Variants in ERBB4 observed in about 807,000 individuals in gnomAD.
ERBB4 encodes receptor tyrosine-protein kinase erbB-4.
A neutral mutation model predicts 158.0 loss-of-function variants in ERBB4; 42 were observed. The observed-to-expected ratio is 0.27, with a 90% CI of 0.21 to 0.34. The LOEUF (loss-of-function observed/expected upper bound fraction) is 0.34, where lower values mean the gene tolerates loss of function less well. Ranked by LOEUF, ERBB4 falls within the 10% of genes least tolerant of loss-of-function variation. The probability of loss-of-function intolerance (pLI) is 1.00; values close to 1 mark genes in which losing one functional copy is unlikely to be tolerated. For missense variants in ERBB4, 1,333 were observed against 1,624.1 expected, an observed-to-expected ratio of 0.82 and a Z score of 3.08; for synonymous variants, 583 against 558.7, an observed-to-expected ratio of 1.04 and a Z score of -0.61.
intron 8 of ERBB4, among the ~76,000 whole-genome samples, 185 bp downstream of exon 8, chr2:211,713,350 A>C (rs1190050400): frequency 6.6e-6 from 1 of 152,142 alleles, no homozygotes; most frequent in Non-Finnish European, 1.5e-5. Context: ...ATAAAATTCA[A>C]ACTCAATAAT....
At chr2:211,839,288 A>T (rs2077418936) in intron 3 of ERBB4, among the ~76,000 whole-genome samples, 1 of 151,984 alleles carries the variant, frequency 6.6e-6, no homozygotes, top group South Asian at 2.1e-4. Context: ...CTTCACGCTC[A>T]TATTTCTCTT....
At chr2:211,857,182 T>TACA (rs1214235467) in intron 3 of ERBB4, among the ~76,000 whole-genome samples, 1 of 152,016 alleles carries the variant, frequency 6.6e-6, no homozygotes, top group Non-Finnish European at 1.5e-5. Flanking sequence ...TGTGTTTGTG[T>TACA]GTCTTAGGTA....
chr2:212,517,278 T>C (rs1691903919), intron 1 of ERBB4, among the ~76,000 whole-genome samples: 1 of 152,126 alleles, frequency 6.6e-6, no homozygotes, highest in Admixed American at 6.5e-5. Context: ...TATTGTCTTA[T>C]CCTGAATTAC....
intron 20 of ERBB4, among the ~76,000 whole-genome samples, chr2:211,529,811 C>T (rs2066447557): frequency 6.6e-6 from 1 of 151,982 alleles, no homozygotes; most frequent in African/African-American, 2.4e-5. Context: ...TTCACGAATA[C>T]CCTGAAAAAC....
At chr2:211,603,070 A>G (rs890704078) in intron 19 of ERBB4, among the ~76,000 whole-genome samples, 25 of 152,178 alleles carry the variant, frequency 1.6e-4, no homozygotes, top group African/African-American at 5.8e-4. Context: ...ATCTCTACTA[A>G]AAATACAAAA....
chr2:211,799,474 C>G (rs2076452291), intron 3 of ERBB4, among the ~76,000 whole-genome samples: 1 of 152,142 alleles, frequency 6.6e-6, no homozygotes, highest in African/African-American at 2.4e-5. Context: ...CTAACAATGC[C>G]AGATGGTTTA....
Position 212,134,812 on chromosome 2 carries a change from G to A in ERBB4, c.83-9909C>T, listed in dbSNP as rs1029588274. Among the ~76,000 whole-genome samples, 4 of 151,030 alleles carry A rather than the reference G, an allele frequency of 2.6e-5. No individual in the cohort carries two copies. The South Asian group carries it at 8.4e-4, about 32-fold the overall frequency. Reference sequence around the variant, plus strand: ...CATTCTCCTGCCTCAGCCTCCCCAGGAGCTGGGACTACAGGCGCCCGCCAC... The same window carrying A: ...CATTCTCCTGCCTCAGCCTCCCCAGAAGCTGGGACTACAGGCGCCCGCCAC... On this transcript the variant is annotated intron_variant, in intron 1 of 27. Coordinates refer to ENST00000342788, the MANE Select transcript of ERBB4 (RefSeq NM_005235.3).
chr2:211,829,617 T>C (rs2077176669), intron 3 of ERBB4, among the ~76,000 whole-genome samples: 1 of 152,164 alleles, frequency 6.6e-6, no homozygotes, highest in Non-Finnish European at 1.5e-5. Context: ...ATATATCTTA[T>C]TTATCACGCT....
At chr2:211,503,307 G>A (rs899370088) in intron 20 of ERBB4, among the ~76,000 whole-genome samples, 1 of 152,106 alleles carries the variant, frequency 6.6e-6, no homozygotes, top group Admixed American at 6.5e-5. Flanking sequence ...AGCTCCTGCT[G>A]TCTGCCGAGC....
chr2:211,687,247 G>A (rs1255714262), intron 12 of ERBB4, among the ~76,000 whole-genome samples: 1 of 148,702 alleles, frequency 6.7e-6, no homozygotes, highest in African/African-American at 2.5e-5. Context: ...GGAGCTTGCA[G>A]TGAGCCGAGA....
intron 25 of ERBB4, among the ~76,000 whole-genome samples, chr2:211,397,353 C>A (rs2062941903): frequency 6.6e-6 from 1 of 152,078 alleles, no homozygotes; most frequent in South Asian, 2.1e-4. Flanking sequence ...CAAAGTCAAC[C>A]CAGATTAGCC....
intron 3 of ERBB4, among the ~76,000 whole-genome samples, chr2:211,914,277 A>T (rs1036236049): frequency 7.5e-6 from 1 of 133,894 alleles, no homozygotes; most frequent in African/African-American, 3.0e-5. Context: ...TCAAACAAAC[A>T]TCAGCTTCTC....
At chr2:211,663,763 T>C (rs2071517616) in intron 15 of ERBB4, among the ~76,000 whole-genome samples, 2 of 152,202 alleles carry the variant, frequency 1.3e-5, no homozygotes, top group African/African-American at 4.8e-5. Context: ...GCTGTTGACA[T>C]CAACATTATA....
At chr2:212,156,061 CA>C (rs1369425925) in intron 1 of ERBB4, among the ~76,000 whole-genome samples, 1 of 152,068 alleles carries the variant, frequency 6.6e-6, no homozygotes, top group Non-Finnish European at 1.5e-5. Context: ...GGGTCTGTGA[CA>C]CACACAAAGT....
chr2:211,558,439 C>T (rs904754406), intron 20 of ERBB4, among the ~76,000 whole-genome samples: 1 of 152,170 alleles, frequency 6.6e-6, no homozygotes, highest in African/African-American at 2.4e-5. Flanking sequence ...CCAGGATAAT[C>T]TCATCTCAAG....
At chr2:212,022,537 G>A (rs1030785681) in intron 2 of ERBB4, among the ~76,000 whole-genome samples, 3 of 152,014 alleles carry the variant, frequency 2.0e-5, no homozygotes, top group African/African-American at 7.2e-5. Flanking sequence ...TGTCAGGGGA[G>A]TGTAGAGTGG....
chr2:212,441,760 G>A (rs1009123006), intron 1 of ERBB4, among the ~76,000 whole-genome samples: 5 of 152,158 alleles, frequency 3.3e-5, no homozygotes, highest in African/African-American at 1.2e-4. Context: ...GTGGCCCACT[G>A]TGAGTGAGCT....
chr2:211,596,915 C>T (rs73988612), intron 19 of ERBB4, among the ~76,000 whole-genome samples: 2,315 of 152,196 alleles, frequency 0.015, 67 homozygotes, highest in African/African-American at 0.051. Flanking sequence ...CACGTGCCTG[C>T]CACCATGCCC....
intron 20 of ERBB4, among the ~76,000 whole-genome samples, chr2:211,477,191 C>A (rs2064975538): frequency 6.6e-6 from 1 of 152,048 alleles, no homozygotes; most frequent in African/African-American, 2.4e-5. Flanking sequence ...AGCAGGCTGC[C>A]TGTGGACTTG....
Sources: allele counts gnomAD v4.1 joint callset (sites outside exome capture counted in the v4.1 genomes callset), GRCh38; gene constraint gnomAD v4.1.1; transcripts MANE v1.5; gene names NCBI Gene and HGNC (gene_info 2026-07-23, HGNC 2026-07-21).